The following HMGA2 variants were observed in gnomAD, a reference collection of about 807,000 sequenced individuals.
HMGA2 encodes high mobility group AT-hook 2.
Under a neutral mutation model 19.1 loss-of-function variants are expected in HMGA2, and 8 were observed. The observed-to-expected ratio is 0.42, with a 90% CI of 0.25 to 0.76. HMGA2 has a LOEUF of 0.76. HMGA2 is among the 30% of genes least tolerant of loss of function. HMGA2 has a pLI of 0.28. For synonymous variants in HMGA2, 60 were observed against 48.8 expected (o/e 1.23, Z -0.96); for missense variants, 109 against 136.3 (o/e 0.80, Z 1.00).
chr12:65,909,064 C>T (rs1874728280), intron 3 of HMGA2, among the ~76,000 whole-genome samples: 1 of 152,130 alleles, frequency 6.6e-6, no homozygotes, highest in Non-Finnish European at 1.5e-5. Flanking sequence ...AACTGTTGAT[C>T]TAATTTTTTT....
At chr12:65,826,371 T>G (rs1870191719) in intron 1 of HMGA2, 1 of 152,134 alleles carries the variant, frequency 6.6e-6, no homozygotes, top group Admixed American at 6.5e-5. Context: ...TTCGCTGTAA[T>G]TTCCAAGCCG....
chr12:65,957,381 T>C (rs1194793993), intron 4 of HMGA2: 1 of 152,102 alleles, frequency 6.6e-6, no homozygotes, highest in Non-Finnish European at 1.5e-5. Context: ...GGCTCATGCC[T>C]GTTATCCCAG....
intron 4 of HMGA2, chr12:65,954,923 G>A (rs1876561686): frequency 6.6e-6 from 1 of 152,198 alleles, no homozygotes; most frequent in South Asian, 2.1e-4. Flanking sequence ...ATAGAAATGA[G>A]GCTGGGTGCA....
chr12:65,836,508 C>T (rs1045830993), intron 2 of HMGA2, among the ~76,000 whole-genome samples: 21 of 152,086 alleles, frequency 1.4e-4, no homozygotes, highest in East Asian at 3.9e-4. Context: ...CTCCATTGCA[C>T]GGATGAAACC....
At chr12:65,958,293 T>C (rs555179941) in intron 4 of HMGA2, 8 of 152,378 alleles carry the variant, frequency 5.3e-5, no homozygotes, top group African/African-American at 1.9e-4. Flanking sequence ...GTACAATTGC[T>C]GTCAATATCT....
rs1243225730 is a variant in HMGA2, at chr12:65,951,375, C to G, written c.250-8C>G. On this transcript the variant is annotated splice_region_variant and splice_polypyrimidine_tract_variant and intron_variant, in intron 3 of 4. Transcript: ENST00000403681. ...TTTTAAAATATATCTTTTTCTTTTC[C>G]TCCTTAGCCACAACAAGTTGTTCAG... is the stretch of plus-strand genomic sequence containing the variant. The G allele has an allele frequency of 6.7e-7, 1 of 1,494,296 alleles. No individual in the cohort carries two copies. Among genetic ancestry groups the G allele is most frequent in the East Asian group, 2.5e-5 (1 of 39,524 alleles). The allele number at this position is 1,494,296 out of a possible 1,614,324, so 92.6% of individuals were successfully genotyped here.
intron 2 of HMGA2, among the ~76,000 whole-genome samples, chr12:65,833,524 A>G (rs1870566187): frequency 6.6e-6 from 1 of 152,124 alleles, no homozygotes; most frequent in Non-Finnish European, 1.5e-5. Flanking sequence ...CAAAAAATTA[A>G]TAGCCACCTA....
At chr12:65,904,167 G>A (rs1874487847) in intron 3 of HMGA2, among the ~76,000 whole-genome samples, 2 of 152,310 alleles carry the variant, frequency 1.3e-5, no homozygotes, top group Admixed American at 1.3e-4. Flanking sequence ...TGACAGATCT[G>A]TTCAACGTCA....
chr12:65,881,805 GC>G, intron 3 of HMGA2: 1 of 703,040 alleles, frequency 1.4e-6, no homozygotes, highest in Non-Finnish European at 2.6e-6. Flanking sequence ...CTGGCCTTGC[GC>G]GCAAGTGGTG....
intron 2 of HMGA2, among the ~76,000 whole-genome samples, chr12:65,831,750 C>CA (rs1175860620): frequency 2.0e-5 from 3 of 151,824 alleles, no homozygotes; most frequent in Non-Finnish European, 4.4e-5. Flanking sequence ...AATCATTACC[C>CA]ACACCAATCA....
chr12:65,952,491 C>T, intron 4 of HMGA2: 1 of 1,520,578 alleles, frequency 6.6e-7, no homozygotes, highest in Non-Finnish European at 8.8e-7. Context: ...CAAACAATTA[C>T]ATATGAGCTT....
chr12:65,845,087 T>C (rs1272199332), intron 3 of HMGA2, among the ~76,000 whole-genome samples: 1 of 152,162 alleles, frequency 6.6e-6, no homozygotes, highest in African/African-American at 2.4e-5. Context: ...ACTGTAAGTA[T>C]TTATGGATGG....
At chr12:65,928,330 C>T (rs1214776661) in intron 3 of HMGA2, among the ~76,000 whole-genome samples, 1 of 152,090 alleles carries the variant, frequency 6.6e-6, no homozygotes, top group East Asian at 1.9e-4. Context: ...AGGGCACTTA[C>T]CATGGATGGA....
At chr12:65,922,130 A>G (rs918649238) in intron 3 of HMGA2, among the ~76,000 whole-genome samples, 2 of 152,214 alleles carry the variant, frequency 1.3e-5, no homozygotes, top group African/African-American at 4.8e-5. Context: ...GAGCCCCCAC[A>G]CAGAGTCCCA....
intron 4 of HMGA2, 172 bp downstream of exon 4, chr12:65,951,587 A>C (rs1170516680): frequency 1.8e-6 from 1 of 550,436 alleles, no homozygotes. Context: ...ATAGTCTGCA[A>C]TCGTACCATG....
chr12:65,915,913 T>C (rs1222579372), intron 3 of HMGA2, among the ~76,000 whole-genome samples: 1 of 152,162 alleles, frequency 6.6e-6, no homozygotes, highest in African/African-American at 2.4e-5. Context: ...CCTCTAGAGA[T>C]GACTTAACTG....
chr12:65,863,172 C>A (rs576803750), intron 3 of HMGA2, among the ~76,000 whole-genome samples: 13 of 152,198 alleles, frequency 8.5e-5, no homozygotes, highest in Non-Finnish European at 1.9e-4. Context: ...AGATCATTAA[C>A]TCATATCTAG....
chr12:65,837,455 G>A (rs1199166214), intron 2 of HMGA2, among the ~76,000 whole-genome samples: 2 of 152,146 alleles, frequency 1.3e-5, no homozygotes, highest in Non-Finnish European at 2.9e-5. Context: ...ACCCCCACCG[G>A]CTGCTAACTC....
intron 3 of HMGA2, chr12:65,881,736 C>T (rs1267918968): frequency 4.3e-6 from 3 of 702,962 alleles, no homozygotes; most frequent in East Asian, 5.4e-5. Flanking sequence ...CACACATTCC[C>T]TCCCAGTGGT....
Sources: allele counts gnomAD v4.1 joint callset (sites outside exome capture counted in the v4.1 genomes callset), GRCh38; gene constraint gnomAD v4.1.1; transcripts MANE v1.5; gene names NCBI Gene and HGNC (gene_info 2026-07-23, HGNC 2026-07-21).